TRABD2B: variants seen among roughly 807,000 people sequenced by gnomAD.
TRABD2B encodes the protein TraB domain containing 2B.
Under a neutral mutation model 40.1 loss-of-function variants are expected in TRABD2B, and 14 were observed. That is an observed-to-expected ratio of 0.35 (90% confidence interval 0.23 to 0.55). The LOEUF is 0.55. TRABD2B is among the 20% of genes least tolerant of loss of function. The probability of loss-of-function intolerance (pLI) is 0.90; values close to 1 mark genes in which losing one functional copy is unlikely to be tolerated. For missense variants in TRABD2B, 541 were observed against 648.6 expected, an observed-to-expected ratio of 0.83 and a Z score of 1.80; for synonymous variants, 263 against 277.0, an observed-to-expected ratio of 0.95 and a Z score of 0.50.
chr1:47,839,354 C>T (rs1420441874), intron 2 of TRABD2B, among the ~76,000 whole-genome samples: 1 of 152,040 alleles, frequency 6.6e-6, no homozygotes, highest in African/African-American at 2.4e-5. Flanking sequence ...TGCCCCCTCA[C>T]TCCCACCACA....
At chr1:47,811,995 A>T (rs1644971489) in intron 2 of TRABD2B, among the ~76,000 whole-genome samples, 1 of 152,230 alleles carries the variant, frequency 6.6e-6, no homozygotes, top group Non-Finnish European at 1.5e-5. Context: ...GGACAGCATT[A>T]TTGAAAACCC....
intron 2 of TRABD2B, among the ~76,000 whole-genome samples, chr1:47,983,345 G>C (rs1380359421): frequency 6.6e-6 from 1 of 152,192 alleles, no homozygotes; most frequent in Non-Finnish European, 1.5e-5. Flanking sequence ...TGGAGGTTAG[G>C]AGGAAGGAGA....
chr1:47,775,866 G>A (rs1489618028), intron 5 of TRABD2B, among the ~76,000 whole-genome samples: 2 of 152,090 alleles, frequency 1.3e-5, no homozygotes, highest in Non-Finnish European at 2.9e-5. Flanking sequence ...AGGGAAGGTG[G>A]TCTGGTCACC....
chr1:47,842,213 C>T (rs1383134542), intron 2 of TRABD2B, among the ~76,000 whole-genome samples: 1 of 152,196 alleles, frequency 6.6e-6, no homozygotes, highest in Non-Finnish European at 1.5e-5. Flanking sequence ...CATCTAGACT[C>T]TCATAGAGAA....
chr1:47,985,149 G>T (rs1645902803), intron 2 of TRABD2B, among the ~76,000 whole-genome samples: 1 of 152,198 alleles, frequency 6.6e-6, no homozygotes, highest in African/African-American at 2.4e-5. Flanking sequence ...ACTACCCCAA[G>T]GTTACTTACA....
intron 4 of TRABD2B, among the ~76,000 whole-genome samples, chr1:47,784,732 A>C (rs1452416888): frequency 6.6e-6 from 1 of 152,222 alleles, no homozygotes; most frequent in Non-Finnish European, 1.5e-5. Flanking sequence ...TGGTCTCTCA[A>C]AGAGTGTCTG....
At chr1:47,959,125 C>T (rs935452234) in intron 2 of TRABD2B, among the ~76,000 whole-genome samples, 1 of 151,986 alleles carries the variant, frequency 6.6e-6, no homozygotes, top group African/African-American at 2.4e-5. Flanking sequence ...GGGTACATAA[C>T]GAAATGAAGG....
chr1:47,828,370 A>G (rs1645204447), intron 2 of TRABD2B, among the ~76,000 whole-genome samples: 1 of 151,814 alleles, frequency 6.6e-6, no homozygotes, highest in Non-Finnish European at 1.5e-5. Context: ...GGTGAGGGGG[A>G]CAGTATAGGC....
intron 4 of TRABD2B, among the ~76,000 whole-genome samples, chr1:47,781,683 C>T (rs1267938118): frequency 6.6e-6 from 1 of 152,242 alleles, no homozygotes; most frequent in Non-Finnish European, 1.5e-5. Flanking sequence ...CTTCCTTTCC[C>T]TCTGCCAGGG....
intron 2 of TRABD2B, among the ~76,000 whole-genome samples, chr1:47,875,311 C>T (rs1447664468): frequency 2.0e-5 from 3 of 150,920 alleles, no homozygotes; most frequent in East Asian, 1.9e-4. Context: ...TTAGTATTCA[C>T]GCACAGCACG....
At chr1:47,783,071 AAG>A (rs1419527701) in intron 4 of TRABD2B, among the ~76,000 whole-genome samples, 1 of 152,146 alleles carries the variant, frequency 6.6e-6, no homozygotes, top group African/African-American at 2.4e-5. Context: ...CATGCAGACA[AAG>A]AGAGGGAGAG....
chr1:47,919,131 C>T (rs113154592), intron 2 of TRABD2B, among the ~76,000 whole-genome samples: 1,528 of 152,290 alleles, frequency 0.01, 14 homozygotes, highest in Non-Finnish European at 0.018. Context: ...TTCGTGCAGG[C>T]AGAGTGCTCT....
chr1:47,784,102 G>T (rs748958412), intron 4 of TRABD2B, among the ~76,000 whole-genome samples: 3 of 152,070 alleles, frequency 2.0e-5, no homozygotes, highest in Non-Finnish European at 4.4e-5. Flanking sequence ...TCCTTGCAGC[G>T]GCCCTTTGAG....
At chr1:47,781,789 C>A (rs535122426) in intron 4 of TRABD2B, among the ~76,000 whole-genome samples, 2 of 152,190 alleles carry the variant, frequency 1.3e-5, no homozygotes, top group Non-Finnish European at 2.9e-5. Flanking sequence ...CTGTGTAATG[C>A]GGTTCCTGCG....
At chr1:47,943,695 A>G (rs1365036468) in intron 2 of TRABD2B, among the ~76,000 whole-genome samples, 1 of 152,062 alleles carries the variant, frequency 6.6e-6, no homozygotes, top group Non-Finnish European at 1.5e-5. Context: ...CAAAACAAAA[A>G]CACAATGTAG....
At chr1:47,884,557 C>T (rs1644346315) in intron 2 of TRABD2B, among the ~76,000 whole-genome samples, 1 of 152,152 alleles carries the variant, frequency 6.6e-6, no homozygotes. Context: ...GGAGTCCAGC[C>T]TCAGTCTCAA....
At chr1:47,981,950 C>A (rs1463378960) in intron 2 of TRABD2B, among the ~76,000 whole-genome samples, 1 of 152,192 alleles carries the variant, frequency 6.6e-6, no homozygotes, top group Non-Finnish European at 1.5e-5. Context: ...GGTCACAGAT[C>A]TAACCCAGGG....
At chr1:47,982,203 G>C (rs1645850708) in intron 2 of TRABD2B, among the ~76,000 whole-genome samples, 2 of 152,152 alleles carry the variant, frequency 1.3e-5, no homozygotes, top group South Asian at 4.1e-4. Context: ...CAGTGTGTGA[G>C]AGACCAAAGG....
intron 2 of TRABD2B, among the ~76,000 whole-genome samples, chr1:47,846,576 A>G (rs1270600617): frequency 6.6e-6 from 1 of 152,156 alleles, no homozygotes; most frequent in African/African-American, 2.4e-5. Context: ...TGAGACAGTG[A>G]GAGTGAGGTA....
Sources: allele counts gnomAD v4.1 joint callset (sites outside exome capture counted in the v4.1 genomes callset), GRCh38; gene constraint gnomAD v4.1.1; transcripts MANE v1.5; gene names NCBI Gene and HGNC (gene_info 2026-07-23, HGNC 2026-07-21).